The following CTNNA2 variants were observed in gnomAD, a reference collection of about 807,000 sequenced individuals.
CTNNA2 encodes the protein catenin alpha-2.
Under a neutral mutation model 101.0 loss-of-function variants are expected in CTNNA2, and 42 were observed. That is an observed-to-expected ratio of 0.42 (90% CI 0.32 to 0.54). The LOEUF is 0.54. Among genes scored for constraint, CTNNA2 ranks in the 20% least tolerant of loss-of-function variants. The pLI, the probability that CTNNA2 is intolerant of heterozygous loss-of-function variation, is 0.14. For synonymous variants in CTNNA2, 450 were observed against 456.4 expected (o/e 0.99, Z 0.18); for missense variants, 871 against 1,223.1 (o/e 0.71, Z 4.29).
At chr2:79,489,290 TG>T in intron 4 of CTNNA2, among the ~76,000 whole-genome samples, 2 of 152,238 alleles carry the variant, frequency 1.3e-5, no homozygotes. Flanking sequence ...AAATATGTCC[TG>T]AAATTTCATT....
chr2:79,606,998 G>A (rs1677936389), intron 1 of CTNNA2, among the ~76,000 whole-genome samples: 1 of 152,082 alleles, frequency 6.6e-6, no homozygotes. Context: ...AGAGCAGAGA[G>A]TATCAGATTG....
At chr2:80,199,379 C>A (rs1441381515) in intron 7 of CTNNA2, among the ~76,000 whole-genome samples, 1 of 152,034 alleles carries the variant, frequency 6.6e-6, no homozygotes, top group African/African-American at 2.4e-5. Flanking sequence ...TTTTAAGGAT[C>A]TTTAGGATTT....
intron 7 of CTNNA2, chr2:80,313,507 A>T: frequency 1.3e-6 from 2 of 1,584,702 alleles, no homozygotes; most frequent in South Asian, 2.3e-5. Context: ...GGTTGAAGAG[A>T]TTTTTCTAGC....
At chr2:79,658,560 T>C (rs1250556811) in intron 2 of CTNNA2, among the ~76,000 whole-genome samples, 2 of 152,094 alleles carry the variant, frequency 1.3e-5, no homozygotes, top group South Asian at 2.1e-4. Flanking sequence ...TAACAAAAGA[T>C]AATTAAAACG....
intron 9 of CTNNA2, among the ~76,000 whole-genome samples, chr2:80,522,611 G>A (rs1408026810): frequency 6.6e-6 from 1 of 152,042 alleles, no homozygotes; most frequent in African/African-American, 2.4e-5. Flanking sequence ...TGTTGAAGAA[G>A]GGGCCTGGTG....
chr2:79,890,347 G>A (rs1684213511), intron 6 of CTNNA2, among the ~76,000 whole-genome samples: 1 of 152,168 alleles, frequency 6.6e-6, no homozygotes, highest in Non-Finnish European at 1.5e-5. Flanking sequence ...ATCTAAGAAT[G>A]TGCATGGTAT....
chr2:79,913,744 A>G (rs1685976530), intron 7 of CTNNA2, among the ~76,000 whole-genome samples: 1 of 152,238 alleles, frequency 6.6e-6, no homozygotes, highest in African/African-American at 2.4e-5. Flanking sequence ...TTATGAACAT[A>G]AAATCAATAT....
intron 7 of CTNNA2, among the ~76,000 whole-genome samples, chr2:80,313,819 T>C (rs1394301446): frequency 5.9e-5 from 9 of 152,220 alleles, no homozygotes; most frequent in African/African-American, 2.2e-4. Flanking sequence ...ATGAGAGCAG[T>C]TGGCAGACTA....
Position 80,344,196 on chromosome 2 carries a change from G to C in CTNNA2, c.1057-49015G>C, listed in dbSNP as rs1298934620. Among the ~76,000 whole-genome samples the C allele has an allele frequency of 2.6e-5, 4 of 152,118 alleles. No individual in the cohort carries two copies. In the East Asian group the frequency reaches 7.8e-4, roughly 30 times the overall value. On this transcript the variant is annotated intron_variant, in intron 7 of 18. Coordinates refer to ENST00000402739, the MANE Select transcript of CTNNA2 (RefSeq NM_001282597.3). ...TGGCTTCCGGAACTCACAAGCTCCT[G>C]ATTTTCTCCTCCTTCATGGATTTCT... is the stretch of plus-strand genomic sequence containing the variant.
At chr2:79,218,352 T>TGTGTG (rs1491322056) in intron 2 of CTNNA2, among the ~76,000 whole-genome samples, 6 of 82,620 alleles carry the variant, frequency 7.3e-5, no homozygotes, top group African/African-American at 1.1e-4. Context: ...TGTGTGTGTA[T>TGTGTG]TTTTTTTTTT....
chr2:79,840,801 T>G (rs1483536678), intron 3 of CTNNA2, among the ~76,000 whole-genome samples: 5 of 150,596 alleles, frequency 3.3e-5, no homozygotes, highest in Non-Finnish European at 5.9e-5. Context: ...GTCTCGCTCT[T>G]TCGCCCAGGC....
intron 17 of CTNNA2, among the ~76,000 whole-genome samples, chr2:80,617,091 T>C (rs572141591): frequency 6.6e-6 from 1 of 151,912 alleles, no homozygotes; most frequent in South Asian, 2.1e-4. Flanking sequence ...ACCATCTGTA[T>C]TGGGTAGTAA....
At chr2:79,501,106 T>C (rs112735014) in intron 4 of CTNNA2, among the ~76,000 whole-genome samples, 1,546 of 152,278 alleles carry the variant, frequency 0.01, 12 homozygotes, top group Non-Finnish European at 0.015. Flanking sequence ...TTTGTTTTTG[T>C]TTTTGTCTTG....
intron 11 of CTNNA2, among the ~76,000 whole-genome samples, chr2:80,552,215 A>T (rs1053981964): frequency 6.6e-6 from 1 of 152,330 alleles, no homozygotes; most frequent in East Asian, 1.9e-4. Flanking sequence ...AAATATTGCA[A>T]CAATTGCAAA....
chr2:80,556,441 GTT>G (rs1693035463), intron 12 of CTNNA2, among the ~76,000 whole-genome samples: 2 of 152,180 alleles, frequency 1.3e-5, no homozygotes, highest in Admixed American at 6.5e-5. Context: ...CTGACAAAGA[GTT>G]AGGCTTTCAG....
intron 2 of CTNNA2, among the ~76,000 whole-genome samples, chr2:79,718,684 G>A (rs571028078): frequency 1.3e-5 from 2 of 152,248 alleles, no homozygotes; most frequent in South Asian, 2.1e-4. Context: ...TATACACATC[G>A]AAAGAGTAGC....
At chr2:79,749,735 C>T (rs568107851) in intron 3 of CTNNA2, among the ~76,000 whole-genome samples, 1 of 152,174 alleles carries the variant, frequency 6.6e-6, no homozygotes, top group Non-Finnish European at 1.5e-5. Flanking sequence ...CACTTAACCA[C>T]TTTTAGCTTC....
chr2:79,209,681 G>A (rs1243713374), intron 2 of CTNNA2, among the ~76,000 whole-genome samples: 1 of 113,108 alleles, frequency 8.8e-6, no homozygotes, highest in African/African-American at 4.0e-5. Flanking sequence ...GAAAATACAT[G>A]CACATGGAAG....
Position 80,400,994 on chromosome 2 carries a change from T to C in CTNNA2, c.1137+7703T>C, listed in dbSNP as rs543469904. 8.5e-5 allele frequency among the ~76,000 whole-genome samples: 13 copies of C among 152,362 alleles called. No homozygotes were observed. In the East Asian group the frequency reaches 2.5e-3, roughly 29 times the overall value. On this transcript the variant is annotated intron_variant, in intron 8 of 18. Transcript: ENST00000402739. Reference sequence around the variant, plus strand: ...TACTCCCACCACCCTTTTTGTTTTCTTCCAAGAAAACTCACATCTTTTCCT... The same window carrying C: ...TACTCCCACCACCCTTTTTGTTTTCCTCCAAGAAAACTCACATCTTTTCCT...
Sources: gnomAD v4.1 joint callset for allele counts (sites outside exome capture counted in the v4.1 genomes callset) on GRCh38, gnomAD v4.1.1 for gene constraint, MANE v1.5 for transcripts, NCBI Gene and HGNC (gene_info 2026-07-23, HGNC 2026-07-21) for gene names.